Variants in SEMA4D observed in about 807,000 individuals in gnomAD.
SEMA4D encodes the protein semaphorin 4D.
SEMA4D carries 22 observed loss-of-function variants against 74.8 expected under a neutral mutation model. The observed-to-expected ratio is 0.29, with a 90% CI of 0.21 to 0.42. The LOEUF is 0.42. Among genes scored for constraint, SEMA4D ranks in the 10% least tolerant of loss-of-function variants. The pLI is 1.00. For synonymous variants in SEMA4D, 445 were observed against 463.7 expected (o/e 0.96, Z 0.52); for missense variants, 937 against 1,118.4 (o/e 0.84, Z 2.31).
At chr9:89,464,121 C>G (rs1247978235) in intron 1 of SEMA4D, among the ~76,000 whole-genome samples, 1 of 152,238 alleles carries the variant, frequency 6.6e-6, no homozygotes, top group East Asian at 1.9e-4. Flanking sequence ...CACCTTCCCC[C>G]ACCCCCAAGA....
At chr9:89,394,970 T>G (rs1840622649) in intron 6 of SEMA4D, among the ~76,000 whole-genome samples, 1 of 152,180 alleles carries the variant, frequency 6.6e-6, no homozygotes, top group African/African-American at 2.4e-5. Context: ...CGGGTCATAG[T>G]TCAGCAAGCA....
intron 1 of SEMA4D, among the ~76,000 whole-genome samples, chr9:89,477,316 A>C (rs144607515): frequency 0.023 from 3,465 of 151,710 alleles, 54 homozygotes; most frequent in Non-Finnish European, 0.031. Context: ...GCACCCCCCC[A>C]CACACACACA....
downstream of SEMA4D, chr9:89,376,735 G>A (rs1835839582): frequency 1.4e-6 from 2 of 1,444,808 alleles, no homozygotes; most frequent in African/African-American, 1.4e-5. Context: ...GAAGGTAAAG[G>A]AACATGTGGA....
At chr9:89,396,450 G>A (rs1840981870) in intron 6 of SEMA4D, among the ~76,000 whole-genome samples, 1 of 152,206 alleles carries the variant, frequency 6.6e-6, no homozygotes, top group African/African-American at 2.4e-5. Context: ...TCCATGGCAT[G>A]CTCTGCACTA....
At chr9:89,467,289 AAC>A (rs1858976725) in intron 1 of SEMA4D, among the ~76,000 whole-genome samples, 2 of 152,140 alleles carry the variant, frequency 1.3e-5, no homozygotes, top group African/African-American at 2.4e-5. Context: ...ACCTTGTGAA[AAC>A]ACACACATCT....
chr9:89,369,089 C>A (rs1834146518), intron 16 of SEMA4D: 1 of 152,274 alleles, frequency 6.6e-6, no homozygotes, highest in South Asian at 2.1e-4. Context: ...ACCACCTTGT[C>A]CTGTCCAGCA....
chr9:89,465,603 TA>T (rs1400279661), intron 1 of SEMA4D, among the ~76,000 whole-genome samples: 2 of 152,194 alleles, frequency 1.3e-5, no homozygotes, highest in Admixed American at 1.3e-4. Flanking sequence ...TTAATATGAT[TA>T]ACTTTATGTT....
chr9:89,449,106 G>C (rs1036947342), intron 2 of SEMA4D, among the ~76,000 whole-genome samples: 1 of 152,332 alleles, frequency 6.6e-6, no homozygotes, highest in South Asian at 2.1e-4. Context: ...GGGGCCTTTT[G>C]GGGAGGGGTA....
chr9:89,405,532 G>C lies in SEMA4D; in HGVS notation c.-76C>G, dbSNP rs1843150804. On this transcript the variant is annotated 5_prime_UTR_variant, in exon 3 of 16. It adds an upstream start codon to the 5' untranslated region. Transcript: ENST00000422704. ...GTGGCCGGGCAGGTGTGCTATTGCAGATGCGGCTCAGCGCCCCAGGACCAG... is the reference window on the plus strand; with the variant it reads ...GTGGCCGGGCAGGTGTGCTATTGCACATGCGGCTCAGCGCCCCAGGACCAG... 6.3e-7 allele frequency: 1 copy of C among 1,581,604 alleles called. No individual in the cohort carries two copies. Among genetic ancestry groups the C allele is most frequent in the Non-Finnish European group, 8.6e-7 (1 of 1,168,184 alleles).
Position 89,392,330 on chromosome 9 carries a change from C to T in SEMA4D, c.622+93G>A. The T allele has an allele frequency of 5.9e-6, 6 of 1,020,812 alleles. No individual in the cohort carries two copies. The South Asian group carries it at 8.6e-5, about 15-fold the overall frequency. 63.2% of individuals were successfully genotyped at this position (1,020,812 alleles called of 1,614,324 possible). ...CAGGGGCTAACACAAGCTCGGGGGC[C>T]CCCAGGGCTCAGAGACAGAAAAGGA... On this transcript the variant is annotated intron_variant, in intron 8 of 15. Transcript: ENST00000422704.
At position 89,487,321 on chromosome 9, in the gene SEMA4D, T is replaced by C. The variant is rs773432840; in HGVS notation, c.-310+10598A>G. Among the ~76,000 whole-genome samples, 6 of 151,998 alleles carry C rather than the reference T, an allele frequency of 3.9e-5. 1 individual carries two copies. The highest frequency in any genetic ancestry group is 8.8e-5 in the Non-Finnish European group (6 of 67,972). On this transcript the variant is annotated intron_variant, in intron 1 of 15. Coordinates refer to ENST00000422704, the MANE Select transcript of SEMA4D (RefSeq NM_001371194.2). ...CATCTCAACAGATACAGAAAAAGTATATGAGGAAATTCAACACCTACTCAT... is the reference window on the plus strand; with the variant it reads ...CATCTCAACAGATACAGAAAAAGTACATGAGGAAATTCAACACCTACTCAT...
At chr9:89,476,588 C>T (rs1189170446) in intron 1 of SEMA4D, among the ~76,000 whole-genome samples, 1 of 152,204 alleles carries the variant, frequency 6.6e-6, no homozygotes, top group Non-Finnish European at 1.5e-5. Context: ...TTCCATTGAG[C>T]TGCAATTCTT....
intron 2 of SEMA4D, among the ~76,000 whole-genome samples, chr9:89,413,640 T>A (rs990719245): frequency 1.3e-5 from 2 of 152,270 alleles, no homozygotes; most frequent in East Asian, 3.8e-4. Flanking sequence ...TGCATACATA[T>A]GTACACCTGT....
intron 1 of SEMA4D, among the ~76,000 whole-genome samples, chr9:89,496,184 A>C (rs935248518): frequency 2.6e-5 from 4 of 152,102 alleles, no homozygotes; most frequent in South Asian, 2.1e-4. Flanking sequence ...GACCCCAGGC[A>C]CTCAGGGGGG....
chr9:89,487,608 T>C (rs1451723950), intron 1 of SEMA4D, among the ~76,000 whole-genome samples: 1 of 152,174 alleles, frequency 6.6e-6, no homozygotes, highest in East Asian at 1.9e-4. Context: ...ATCATCAGAA[T>C]TATCTATATG....
intron 2 of SEMA4D, among the ~76,000 whole-genome samples, chr9:89,416,407 G>A (rs1845713056): frequency 1.3e-5 from 2 of 152,118 alleles, no homozygotes; most frequent in South Asian, 2.1e-4. Context: ...ACTAAAGCTG[G>A]TCTACACGAA....
rs1329304813 is a variant in SEMA4D at position 89,484,590 on chromosome 9, G to A, written c.-310+13329C>T. Among the ~76,000 whole-genome samples the A allele has an allele frequency of 6.6e-6, 1 of 151,636 alleles. No homozygotes were observed. The highest frequency in any genetic ancestry group is 1.5e-5 in the Non-Finnish European group (1 of 67,890). ...TGTGTATACATGGTGGGGTATGTGT[G>A]TAGTATGGGGTGTTCCGTGGTGTGA... On this transcript the variant is annotated intron_variant, in intron 1 of 15. Coordinates refer to ENST00000422704, the MANE Select transcript of SEMA4D (RefSeq NM_001371194.2). The surrounding 1 kb of genome is among the most constrained non-coding windows in gnomAD (Gnocchi z 4.1).
intron 2 of SEMA4D, among the ~76,000 whole-genome samples, chr9:89,454,172 C>T (rs1855359794): frequency 6.6e-6 from 1 of 152,154 alleles, no homozygotes; most frequent in East Asian, 1.9e-4. Flanking sequence ...CCAGGAAGAT[C>T]CCAGCCTGGG....
intron 1 of SEMA4D, among the ~76,000 whole-genome samples, chr9:89,491,682 G>T (rs552318567): frequency 1.4e-4 from 22 of 152,288 alleles, no homozygotes; most frequent in Admixed American, 1.4e-3. Context: ...CTGGTGCGGG[G>T]ACCACTCTCA....
Sources: allele counts gnomAD v4.1 joint callset (sites outside exome capture counted in the v4.1 genomes callset), GRCh38; gene constraint gnomAD v4.1.1; non-coding constraint Gnocchi (gnomAD v3.1); transcripts MANE v1.5; gene names NCBI Gene and HGNC (gene_info 2026-07-23, HGNC 2026-07-21).